The following PHKB variants were observed in gnomAD, a reference collection of about 807,000 sequenced individuals.
PHKB encodes the protein phosphorylase b kinase regulatory subunit beta.
PHKB carries 122 observed loss-of-function variants against 152.1 expected under a neutral mutation model. That is an observed-to-expected ratio of 0.80 (90% confidence interval 0.69 to 0.93). PHKB has a LOEUF of 0.93. Ranked by LOEUF, PHKB falls within the 40% of genes least tolerant of loss-of-function variation. The pLI is 0.00. For missense variants in PHKB, 1,304 were observed against 1,328.4 expected, an observed-to-expected ratio of 0.98 and a Z score of 0.29; for synonymous variants, 436 against 464.9, an observed-to-expected ratio of 0.94 and a Z score of 0.80.
intron 1 of PHKB, among the ~76,000 whole-genome samples, chr16:47,464,966 G>C (rs1969642405): frequency 6.6e-6 from 1 of 152,172 alleles, no homozygotes. Flanking sequence ...CTTCACCATA[G>C]CCTTTCAGAA....
chr16:47,535,518 C>T (rs192372314), intron 6 of PHKB, among the ~76,000 whole-genome samples: 150 of 152,198 alleles, frequency 9.9e-4, no homozygotes, highest in Non-Finnish European at 1.7e-3. Flanking sequence ...TTTGGTTATA[C>T]TGATTTATTA....
chr16:47,689,035 T>A lies in PHKB; in HGVS notation c.2631-6T>A, dbSNP rs1974014134. On this transcript the variant is annotated splice_polypyrimidine_tract_variant and splice_region_variant and intron_variant, in intron 26 of 30. Coordinates refer to ENST00000323584, the MANE Select transcript of PHKB (RefSeq NM_000293.3). The stretch of plus-strand genomic sequence containing the variant: ...ATTGATTCATGCTTCCCCTGTTTTG[T>A]TTCAGGTGGATCATCCATGCCATGG... 3 of 1,614,014 alleles carry A rather than the reference T, an allele frequency of 1.9e-6. No homozygotes were observed. Among genetic ancestry groups the A allele is most frequent in the African/African-American group, 2.7e-5 (2 of 75,030 alleles).
At chr16:47,667,488 A>G (rs1422087470) in intron 25 of PHKB, among the ~76,000 whole-genome samples, 8 of 152,160 alleles carry the variant, frequency 5.3e-5, no homozygotes, top group African/African-American at 1.4e-4. Context: ...ATCACTTCAT[A>G]TATGTTATTT....
intron 6 of PHKB, among the ~76,000 whole-genome samples, chr16:47,521,831 T>C (rs915755820): frequency 1.3e-5 from 2 of 152,154 alleles, no homozygotes; most frequent in Admixed American, 6.6e-5. Context: ...GTGATCTTTG[T>C]TTTTTATTTA....
At chr16:47,503,444 A>G (rs747783369) in intron 4 of PHKB, among the ~76,000 whole-genome samples, 11 of 152,238 alleles carry the variant, frequency 7.2e-5, no homozygotes, top group East Asian at 1.9e-4. Context: ...ACTTTTGGAC[A>G]TGTGAATTGC....
chr16:47,630,454 C>G (rs1245888034), intron 14 of PHKB, among the ~76,000 whole-genome samples: 1 of 151,644 alleles, frequency 6.6e-6, no homozygotes, highest in Non-Finnish European at 1.5e-5. Flanking sequence ...TGCACTCCAG[C>G]CTGGGTGACA....
chr16:47,561,114 C>G (rs1391040310), intron 7 of PHKB, among the ~76,000 whole-genome samples: 5 of 152,010 alleles, frequency 3.3e-5, no homozygotes, highest in Non-Finnish European at 2.9e-5. Context: ...AGGATTTAAT[C>G]CAAATTCAGC....
intron 1 of PHKB, among the ~76,000 whole-genome samples, chr16:47,496,664 TG>T (rs1398854616): frequency 2.6e-5 from 4 of 152,244 alleles, no homozygotes; most frequent in Non-Finnish European, 4.4e-5. Context: ...TTCAGATGTC[TG>T]TCTTTCAGTT....
At chr16:47,524,567 G>A (rs1373648556) in intron 6 of PHKB, among the ~76,000 whole-genome samples, 1 of 152,146 alleles carries the variant, frequency 6.6e-6, no homozygotes, top group Non-Finnish European at 1.5e-5. Context: ...TCAGGAGTTC[G>A]AGACCAGCCT....
chr16:47,532,600 G>A (rs1271616659), intron 6 of PHKB, among the ~76,000 whole-genome samples: 1 of 152,214 alleles, frequency 6.6e-6, no homozygotes, highest in Non-Finnish European at 1.5e-5. Flanking sequence ...TCTAGGTGTT[G>A]GCATGGGTGC....
chr16:47,658,905 G>A (rs966061836), intron 20 of PHKB, among the ~76,000 whole-genome samples: 2 of 151,246 alleles, frequency 1.3e-5, no homozygotes, highest in African/African-American at 2.4e-5. Context: ...TTTCAAGAAG[G>A]CAAGAATGTT....
intron 14 of PHKB, among the ~76,000 whole-genome samples, chr16:47,614,990 C>G (rs973668175): frequency 6.6e-6 from 1 of 152,162 alleles, no homozygotes; most frequent in Non-Finnish European, 1.5e-5. Context: ...AGGGTAGTTA[C>G]GTTGGATATA....
At chr16:47,488,948 A>G (rs1970097681) in intron 1 of PHKB, among the ~76,000 whole-genome samples, 1 of 152,174 alleles carries the variant, frequency 6.6e-6, no homozygotes, top group African/African-American at 2.4e-5. Flanking sequence ...TTCCATATGA[A>G]TTAAAAAAAT....
At chr16:47,505,789 T>C (rs1312507446) in intron 4 of PHKB, among the ~76,000 whole-genome samples, 1 of 151,862 alleles carries the variant, frequency 6.6e-6, no homozygotes, top group Non-Finnish European at 1.5e-5. Flanking sequence ...TCACAGCACT[T>C]TGAGAGGCAG....
At chr16:47,509,959 T>A (rs1470864892) in intron 4 of PHKB, among the ~76,000 whole-genome samples, 1 of 152,210 alleles carries the variant, frequency 6.6e-6, no homozygotes, top group African/African-American at 2.4e-5. Flanking sequence ...CTACCCACAA[T>A]TCTCTCTGAC....
chr16:47,651,009 G>T lies in PHKB; in HGVS notation c.1971+88G>T, dbSNP rs1973228348. 2.8e-5 allele frequency: 27 copies of T among 974,056 alleles called. No homozygotes were observed. In the South Asian group the frequency reaches 3.5e-4, roughly 13 times the overall value. 60.3% of individuals were successfully genotyped at this position (974,056 alleles called of 1,614,324 possible). A position where few individuals can be genotyped will look rare whatever the true frequency, so the allele number is the denominator to read the frequency against. On this transcript the variant is annotated intron_variant, in intron 20 of 30. Coordinates refer to ENST00000323584, the MANE Select transcript of PHKB (RefSeq NM_000293.3). ...TTTCTTAATGTATGGTCTATTTAAGGTTTTTGACTTAAGGTTTTATTCTCC... is the reference window on the plus strand; with the variant it reads ...TTTCTTAATGTATGGTCTATTTAAGTTTTTTGACTTAAGGTTTTATTCTCC...
intron 1 of PHKB, among the ~76,000 whole-genome samples, chr16:47,490,074 A>C (rs1206868250): frequency 6.6e-6 from 1 of 152,188 alleles, no homozygotes; most frequent in Admixed American, 6.5e-5. Flanking sequence ...CAATATTTCA[A>C]GCAGAAGTCA....
At chr16:47,685,745 CT>C (rs543342166) in intron 26 of PHKB, among the ~76,000 whole-genome samples, 212 of 139,472 alleles carry the variant, frequency 1.5e-3, no homozygotes, top group Middle Eastern at 3.7e-3. Context: ...TTTTCTTTTT[CT>C]TTTTTTTTTT....
intron 13 of PHKB, among the ~76,000 whole-genome samples, chr16:47,597,311 G>A (rs1045227160): frequency 2.6e-5 from 4 of 152,086 alleles, no homozygotes; most frequent in Non-Finnish European, 5.9e-5. Flanking sequence ...CTGCATAAAT[G>A]CTAATAAATT....
Sources: gnomAD v4.1 joint callset for allele counts (sites outside exome capture counted in the v4.1 genomes callset) on GRCh38, gnomAD v4.1.1 for gene constraint, MANE v1.5 for transcripts, NCBI Gene and HGNC (gene_info 2026-07-23, HGNC 2026-07-21) for gene names.